Variants in ABCD2 observed in about 807,000 individuals in gnomAD.
ABCD2 encodes the protein ATP binding cassette subfamily D member 2.
In ABCD2, 36 loss-of-function variants were observed where a neutral mutation model predicts 70.9. The observed-to-expected ratio is 0.51, with a 90% CI of 0.39 to 0.67. The LOEUF is 0.67. Ranked by LOEUF, ABCD2 falls within the 30% of genes least tolerant of loss-of-function variation. The probability of loss-of-function intolerance (pLI) is 0.00; values close to 1 mark genes in which losing one functional copy is unlikely to be tolerated. For missense variants in ABCD2, 729 were observed against 890.2 expected (o/e 0.82, Z 2.30); for synonymous variants, 304 against 306.9 (o/e 0.99, Z 0.10).
At chr12:39,610,454 A>C (rs1364545385) in intron 2 of ABCD2, among the ~76,000 whole-genome samples, 1 of 152,196 alleles carries the variant, frequency 6.6e-6, no homozygotes, top group Non-Finnish European at 1.5e-5. Flanking sequence ...ATTCTTAAAG[A>C]CATGTAAATG....
intron 9 of ABCD2, among the ~76,000 whole-genome samples, chr12:39,559,934 A>G (rs1281592058): frequency 6.6e-6 from 1 of 152,220 alleles, no homozygotes; most frequent in Non-Finnish European, 1.5e-5. Context: ...TAGAAAGTAT[A>G]AAACTCACTG....
chr12:39,554,274 A>ATACT, intron 9 of ABCD2, 143 bp from the exon 10 acceptor site: 2 of 710,588 alleles, frequency 2.8e-6, no homozygotes, highest in Non-Finnish European at 4.4e-6. Flanking sequence ...CATATCAAAA[A>ATACT]GTTAAATACT....
intron 8 of ABCD2, among the ~76,000 whole-genome samples, chr12:39,574,345 C>T (rs1342194983): frequency 6.6e-6 from 1 of 152,120 alleles, no homozygotes; most frequent in Admixed American, 6.5e-5. Context: ...GTGAATGTGG[C>T]TCATCTTACA....
At chr12:39,599,519 A>C (rs1941867067) in intron 6 of ABCD2, among the ~76,000 whole-genome samples, 3 of 152,248 alleles carry the variant, frequency 2.0e-5, no homozygotes, top group Admixed American at 2.0e-4. Flanking sequence ...TGTTAAACAC[A>C]AATATCTATG....
chr12:39,583,692 A>T (rs1384606507), intron 7 of ABCD2, among the ~76,000 whole-genome samples: 1 of 152,076 alleles, frequency 6.6e-6, no homozygotes, highest in Non-Finnish European at 1.5e-5. Context: ...CCTCAAGTAG[A>T]CCTGAGTCTC....
At position 39,586,313 on chromosome 12, in the gene ABCD2, C is replaced by G; in HGVS notation, c.1647-16G>C. On this transcript the variant is annotated splice_polypyrimidine_tract_variant and intron_variant, in intron 6 of 9. Coordinates refer to ENST00000308666, the MANE Select transcript of ABCD2 (RefSeq NM_005164.4). ...CATATATGGCCTTTAAAACACCAAG[C>G]ACACAAGAATCCTAGTGGAAAGTCA... The G allele has an allele frequency of 6.2e-7, 1 of 1,603,000 alleles. No individual in the cohort carries two copies. Among genetic ancestry groups the G allele is most frequent in the Non-Finnish European group, 8.5e-7 (1 of 1,175,834 alleles).
intron 9 of ABCD2, among the ~76,000 whole-genome samples, chr12:39,572,067 T>C (rs969325659): frequency 2.0e-5 from 3 of 152,318 alleles, no homozygotes; most frequent in African/African-American, 7.2e-5. Flanking sequence ...CAATTAAAAA[T>C]GTGTTTCTTG....
chr12:39,595,460 C>T (rs1941803658), intron 6 of ABCD2, among the ~76,000 whole-genome samples: 1 of 152,116 alleles, frequency 6.6e-6, no homozygotes, highest in Non-Finnish European at 1.5e-5. Flanking sequence ...ATTATTCATG[C>T]ATAACAAGAT....
the ABCD2 span, among the ~76,000 whole-genome samples, chr12:39,536,071 C>G: frequency 6.6e-6 from 1 of 152,128 alleles, no homozygotes; most frequent in Non-Finnish European, 1.5e-5. Context: ...GCCTGGGCGA[C>G]AGAGTGAGAC....
intron 6 of ABCD2, among the ~76,000 whole-genome samples, chr12:39,590,824 G>A (rs905475133): frequency 3.3e-5 from 5 of 151,702 alleles, no homozygotes; most frequent in African/African-American, 1.2e-4. Context: ...CTAAGACAAA[G>A]CTAGAAAGAA....
chr12:39,573,622 A>T, intron 9 of ABCD2, 94 bp downstream of exon 9: 3 of 1,394,550 alleles, frequency 2.2e-6, no homozygotes, highest in Non-Finnish European at 2.9e-6. Flanking sequence ...TAAGTGAAAT[A>T]CCCTACCCTC....
At chr12:39,582,980 C>T (rs1250077446) in intron 7 of ABCD2, among the ~76,000 whole-genome samples, 1 of 151,956 alleles carries the variant, frequency 6.6e-6, no homozygotes, top group African/African-American at 2.4e-5. Context: ...CCACCTCAGC[C>T]TCCCAAATAG....
At chr12:39,568,575 C>T (rs986989922) in intron 9 of ABCD2, among the ~76,000 whole-genome samples, 32 of 152,010 alleles carry the variant, frequency 2.1e-4, no homozygotes, top group Non-Finnish European at 3.7e-4. Flanking sequence ...GGTTCGAACT[C>T]CCTCCTTTAG....
chr12:39,567,798 G>A (rs1306846621), intron 9 of ABCD2, among the ~76,000 whole-genome samples: 5 of 152,160 alleles, frequency 3.3e-5, no homozygotes, highest in Non-Finnish European at 7.4e-5. Context: ...GCTTCCTTCA[G>A]GAGCTCTTTT....
chr12:39,563,219 A>G (rs2120554249), intron 9 of ABCD2, among the ~76,000 whole-genome samples: 1 of 152,284 alleles, frequency 6.6e-6, no homozygotes, highest in East Asian at 1.9e-4. Flanking sequence ...CTGAAAAGGG[A>G]AAAGTTTAAA....
intron 3 of ABCD2, among the ~76,000 whole-genome samples, chr12:39,606,623 T>A (rs561089556): frequency 2.0e-5 from 3 of 152,318 alleles, no homozygotes; most frequent in African/African-American, 4.8e-5. Flanking sequence ...TTGAACTTTT[T>A]AAAAAAATTG....
the ABCD2 span, among the ~76,000 whole-genome samples, chr12:39,534,697 AGGAC>A: frequency 8.1e-5 from 4 of 49,246 alleles, no homozygotes; most frequent in East Asian, 8.7e-4. Context: ...GAAGGAAGGA[AGGAC>A]GGAAGGAAGG....
intron 5 of ABCD2, among the ~76,000 whole-genome samples, chr12:39,602,127 T>TTGTA (rs1941906939): frequency 6.9e-6 from 1 of 145,258 alleles, no homozygotes; most frequent in Non-Finnish European, 1.5e-5. Context: ...TTTTTAAAAA[T>TTGTA]TTTATTTATT....
intron 9 of ABCD2, among the ~76,000 whole-genome samples, chr12:39,571,647 C>T (rs1273935179): frequency 6.6e-6 from 1 of 152,142 alleles, no homozygotes; most frequent in African/African-American, 2.4e-5. Flanking sequence ...AACGCATGTT[C>T]TATATTACAA....
Sources: gnomAD v4.1 joint callset for allele counts (sites outside exome capture counted in the v4.1 genomes callset) on GRCh38, gnomAD v4.1.1 for gene constraint, MANE v1.5 for transcripts, NCBI Gene and HGNC (gene_info 2026-07-23, HGNC 2026-07-21) for gene names.